ADAMTS17: variants seen among roughly 807,000 people sequenced by gnomAD.
ADAMTS17 encodes ADAM metallopeptidase with thrombospondin type 1 motif 17.
ADAMTS17 carries 113 observed loss-of-function variants against 141.5 expected under a neutral mutation model. That is an observed-to-expected ratio of 0.80 (90% confidence interval 0.69 to 0.93). The LOEUF (loss-of-function observed/expected upper bound fraction) is 0.93. ADAMTS17 is among the 40% of genes least tolerant of loss of function. The pLI is 0.00. For synonymous variants in ADAMTS17, 768 were observed against 630.6 expected (o/e 1.22, Z -3.27); for missense variants, 1,659 against 1,517.9 (o/e 1.09, Z -1.54).
chr15:100,133,328 G>T lies in ADAMTS17; in HGVS notation c.1474-13C>A. ...CACACATTAGATGCTGCAGGACAAG[G>T]GAAGGAACCATAATTGTGGAGAACA... On this transcript the variant is annotated splice_polypyrimidine_tract_variant and intron_variant, in intron 10 of 21. Transcript: ENST00000268070. The T allele has an allele frequency of 6.4e-7, 1 of 1,569,532 alleles. No individual in the cohort carries two copies. Among genetic ancestry groups the T allele is most frequent in the Non-Finnish European group, 8.7e-7 (1 of 1,154,556 alleles).
chr15:100,268,830 T>C (rs966647674), intron 4 of ADAMTS17, among the ~76,000 whole-genome samples: 4 of 152,194 alleles, frequency 2.6e-5, no homozygotes, highest in Non-Finnish European at 4.4e-5. Flanking sequence ...AAAGCAATCC[T>C]AAGCAAAAAT....
At chr15:100,310,617 G>C (rs1263631752) in intron 3 of ADAMTS17, among the ~76,000 whole-genome samples, 1 of 152,198 alleles carries the variant, frequency 6.6e-6, no homozygotes, top group Non-Finnish European at 1.5e-5. Context: ...ATGTGAGCGA[G>C]ACCTCTGTCC....
intron 8 of ADAMTS17, among the ~76,000 whole-genome samples, chr15:100,159,919 T>A (rs2039610753): frequency 6.6e-6 from 1 of 152,138 alleles, no homozygotes; most frequent in Non-Finnish European, 1.5e-5. Flanking sequence ...ACATGCATAG[T>A]TTCAGGAAGC....
At chr15:100,098,229 A>G (rs2035881555) in intron 14 of ADAMTS17, among the ~76,000 whole-genome samples, 1 of 152,058 alleles carries the variant, frequency 6.6e-6, no homozygotes, top group Non-Finnish European at 1.5e-5. Context: ...GGGGCTGACC[A>G]TCCAGTAGTG....
intron 3 of ADAMTS17, among the ~76,000 whole-genome samples, chr15:100,291,924 A>C (rs2044636451): frequency 6.6e-6 from 1 of 152,388 alleles, no homozygotes. Flanking sequence ...GTACCCCTGA[A>C]ACTAAAATAA....
In ADAMTS17 at chr15:100,258,534, G is replaced by T. The variant is rs7163218; in HGVS notation, c.1031+2945C>A. Among the ~76,000 whole-genome samples, 785 of 152,284 alleles carry T rather than the reference G, an allele frequency of 5.2e-3. 6 individuals are homozygous for T. The highest frequency in any genetic ancestry group is 0.014 in the African/African-American group (567 of 41,544). ...AATCATGGTGGAAGGCGAAAGGCAC[G>T]TCTCACATGGCAGCAGGCAGGGGAA... On this transcript the variant is annotated intron_variant, in intron 6 of 21. Coordinates refer to ENST00000268070, the MANE Select transcript of ADAMTS17 (RefSeq NM_139057.4).
intron 3 of ADAMTS17, among the ~76,000 whole-genome samples, chr15:100,288,231 A>G (rs2044511407): frequency 6.6e-6 from 1 of 152,240 alleles, no homozygotes; most frequent in South Asian, 2.1e-4. Context: ...AATTTCAGAC[A>G]AAACAGGCTT....
chr15:100,118,284 C>T (rs2037266525), intron 12 of ADAMTS17, among the ~76,000 whole-genome samples: 1 of 152,244 alleles, frequency 6.6e-6, no homozygotes, highest in South Asian at 2.1e-4. Context: ...TGGTGGTAAG[C>T]CAGATTTGGC....
At chr15:100,062,935 T>A (rs1332034581) in intron 15 of ADAMTS17, among the ~76,000 whole-genome samples, 3 of 152,210 alleles carry the variant, frequency 2.0e-5, no homozygotes, top group African/African-American at 7.2e-5. Context: ...CTGGGCACCC[T>A]GCTGTCTCCA....
intron 15 of ADAMTS17, among the ~76,000 whole-genome samples, chr15:100,080,390 TAAGGAAG>T (rs2034652389): frequency 6.6e-6 from 1 of 150,866 alleles, no homozygotes; most frequent in South Asian, 2.1e-4. Flanking sequence ...ACAAAGGAGG[TAAGGAAG>T]AGTATGCATG....
chr15:100,036,990 A>G (rs570877680), intron 18 of ADAMTS17, among the ~76,000 whole-genome samples: 47 of 152,262 alleles, frequency 3.1e-4, no homozygotes, highest in African/African-American at 1.1e-3. Flanking sequence ...CCATGTTTCT[A>G]CCTGTTAGCC....
chr15:100,226,165 A>G (rs2042307311), intron 7 of ADAMTS17, among the ~76,000 whole-genome samples: 1 of 152,212 alleles, frequency 6.6e-6, no homozygotes, highest in African/African-American at 2.4e-5. Flanking sequence ...TCCTTACAGC[A>G]GTCATGGCCT....
chr15:100,324,555 C>T (rs898576595), intron 3 of ADAMTS17, among the ~76,000 whole-genome samples: 1 of 152,198 alleles, frequency 6.6e-6, no homozygotes, highest in Non-Finnish European at 1.5e-5. Context: ...ATGCAAATCT[C>T]ACCAGAGTCC....
Position 100,341,729 on chromosome 15 carries a change from C to T in ADAMTS17, c.79+92G>A, listed in dbSNP as rs1187647776. ...GCTCGGGCGCCGTCAGCGGTCCCGC[C>T]GCCGCCCCCGGGCCGCCAGGACGCC... On this transcript the variant is annotated intron_variant, in intron 1 of 21. Coordinates refer to ENST00000268070, the MANE Select transcript of ADAMTS17 (RefSeq NM_139057.4). 14 of 1,455,686 alleles carry T rather than the reference C, an allele frequency of 9.6e-6. No homozygotes were observed. The African/African-American group carries it at 1.9e-4, about 20-fold the overall frequency. The allele number at this position is 1,455,686 out of a possible 1,614,324, so 90.2% of individuals were successfully genotyped here.
chr15:100,065,190 A>G (rs1448447148), intron 15 of ADAMTS17, among the ~76,000 whole-genome samples: 1 of 152,236 alleles, frequency 6.6e-6, no homozygotes, highest in Non-Finnish European at 1.5e-5. Flanking sequence ...CAAGAAAGTA[A>G]TATTTTGGTG....
chr15:100,302,447 C>A (rs2045073114), intron 3 of ADAMTS17, among the ~76,000 whole-genome samples: 1 of 152,164 alleles, frequency 6.6e-6, no homozygotes, highest in African/African-American at 2.4e-5. Flanking sequence ...CTAAGTCATA[C>A]AGTAATTCTA....
At chr15:100,042,763 A>G (rs974863815) in intron 18 of ADAMTS17, among the ~76,000 whole-genome samples, 1 of 152,196 alleles carries the variant, frequency 6.6e-6, no homozygotes, top group Non-Finnish European at 1.5e-5. Context: ...TGGGCAGGAC[A>G]GAGCGGGATG....
rs911298475 is a variant in ADAMTS17 at position 100,089,230 on chromosome 15, A to T, written c.2137+7126T>A. Among the ~76,000 whole-genome samples the T allele has an allele frequency of 1.8e-4, 25 of 141,568 alleles. 1 individual carries two copies. Among genetic ancestry groups the T allele is most frequent in the Non-Finnish European group, 3.5e-4 (23 of 66,550 alleles). The allele number at this position is 141,568 out of a possible 152,430, so 92.9% of individuals were successfully genotyped here. Reference sequence around the variant, plus strand: ...CATTTATGCAGCCAAAAAACACATGAAAAAATGCTCATCATCACTGGCCAT... The same window carrying T: ...CATTTATGCAGCCAAAAAACACATGTAAAAATGCTCATCATCACTGGCCAT... On this transcript the variant is annotated intron_variant, in intron 15 of 21. Transcript: ENST00000268070.
At chr15:100,019,058 A>C (rs1430852545) in intron 18 of ADAMTS17, among the ~76,000 whole-genome samples, 1 of 152,206 alleles carries the variant, frequency 6.6e-6, no homozygotes, top group Non-Finnish European at 1.5e-5. Context: ...ATGGCAATCC[A>C]CCTACGTGTC....
Sources: gnomAD v4.1 joint callset for allele counts (sites outside exome capture counted in the v4.1 genomes callset) on GRCh38, gnomAD v4.1.1 for gene constraint, MANE v1.5 for transcripts, NCBI Gene and HGNC (gene_info 2026-07-23, HGNC 2026-07-21) for gene names.